The following HTR1F variants were observed in gnomAD, a reference collection of about 807,000 sequenced individuals.
HTR1F encodes 5-hydroxytryptamine (serotonin) receptor 1F, G protein-coupled.
Under a neutral mutation model 24.0 loss-of-function variants are expected in HTR1F, and 17 were observed. The observed-to-expected ratio is 0.71, with a 90% CI of 0.48 to 1.06. HTR1F has a LOEUF of 1.06. HTR1F is among the 50% of genes least tolerant of loss of function. The pLI, the probability that HTR1F is intolerant of heterozygous loss-of-function variation, is 0.00. For synonymous variants in HTR1F, 186 were observed against 156.8 expected, an observed-to-expected ratio of 1.19 and a Z score of -1.39; for missense variants, 391 against 427.8, an observed-to-expected ratio of 0.91 and a Z score of 0.76.
At chr3:87,987,835 T>C (rs1705707854) in intron 2 of HTR1F, among the ~76,000 whole-genome samples, 1 of 144,930 alleles carries the variant, frequency 6.9e-6, no homozygotes, top group African/African-American at 2.5e-5. Flanking sequence ...ATATAAAATA[T>C]ATGTATTATA....
intron 2 of HTR1F, among the ~76,000 whole-genome samples, chr3:87,922,258 T>C (rs1704026436): frequency 6.6e-6 from 1 of 152,042 alleles, no homozygotes; most frequent in East Asian, 1.9e-4. Context: ...GGTTTTCATT[T>C]GCATTTTCCT....
chr3:87,968,968 G>A (rs1395570886), intron 2 of HTR1F, among the ~76,000 whole-genome samples: 1 of 152,222 alleles, frequency 6.6e-6, no homozygotes, highest in Non-Finnish European at 1.5e-5. Flanking sequence ...TTGGGCCATG[G>A]ATTCAGATGG....
chr3:87,872,641 A>T (rs1245494565), intron 2 of HTR1F, among the ~76,000 whole-genome samples: 1 of 152,104 alleles, frequency 6.6e-6, no homozygotes, highest in East Asian at 1.9e-4. Context: ...AATAAAAAAG[A>T]TCATAAGAGA....
Position 87,846,598 on chromosome 3 carries a change from T to TTTTG in HTR1F, c.-43+24494_-43+24497dup, listed in dbSNP as rs562592512. ...AGCAACATAGTCAGCATTTCAATTTTTTTGTTTGTTTGTTTGTTTGTTTTG... is the reference window on the plus strand; with the variant it reads ...AGCAACATAGTCAGCATTTCAATTTTTTTGTTTGTTTGTTTGTTTGTTTGTTTTG... On this transcript the variant is annotated intron_variant, in intron 2 of 2. Transcript: ENST00000319595. 4.1e-4 allele frequency among the ~76,000 whole-genome samples: 62 copies of TTTTG among 152,072 alleles called. 1 individual carries two copies. In the East Asian group the frequency reaches 9.1e-3, roughly 22 times the overall value.
chr3:87,819,262 G>A (rs1704308479), intron 1 of HTR1F, among the ~76,000 whole-genome samples: 1 of 151,824 alleles, frequency 6.6e-6, no homozygotes, highest in Non-Finnish European at 1.5e-5. Flanking sequence ...TTTCATGGTT[G>A]TTTTCATTTC....
chr3:87,959,590 C>A (rs573162194), intron 2 of HTR1F, among the ~76,000 whole-genome samples: 1 of 151,754 alleles, frequency 6.6e-6, no homozygotes, highest in African/African-American at 2.4e-5. Context: ...TACTTAAATT[C>A]GCTTTGTTAA....
intron 2 of HTR1F, among the ~76,000 whole-genome samples, chr3:87,979,421 T>C (rs1184693161): frequency 6.6e-6 from 1 of 152,120 alleles, no homozygotes; most frequent in East Asian, 1.9e-4. Context: ...GCAGCCACGA[T>C]AGTCATTTCT....
intron 2 of HTR1F, among the ~76,000 whole-genome samples, chr3:87,823,539 C>T (rs2932296): frequency 0.43 from 62,852 of 147,520 alleles, 16,088 homozygotes; most frequent in African/African-American, 0.73. Context: ...TTTTGAGACA[C>T]GGTCTCATGC....
At chr3:87,951,648 T>C (rs1704836035) in intron 2 of HTR1F, among the ~76,000 whole-genome samples, 1 of 152,114 alleles carries the variant, frequency 6.6e-6, no homozygotes, top group Non-Finnish European at 1.5e-5. Flanking sequence ...TGAACCTACA[T>C]TGACACATCA....
At chr3:87,951,765 A>C (rs1398556059) in intron 2 of HTR1F, among the ~76,000 whole-genome samples, 1 of 152,046 alleles carries the variant, frequency 6.6e-6, no homozygotes, top group African/African-American at 2.4e-5. Flanking sequence ...GGACATATAT[A>C]TCCATCATTT....
chr3:87,911,078 G>C (rs1703768598), intron 2 of HTR1F, among the ~76,000 whole-genome samples: 1 of 151,716 alleles, frequency 6.6e-6, no homozygotes, highest in South Asian at 2.1e-4. Context: ...AGAAGCAAAA[G>C]CAAACCAAAA....
chr3:87,879,605 A>G (rs1705745001), intron 2 of HTR1F, among the ~76,000 whole-genome samples: 1 of 152,196 alleles, frequency 6.6e-6, no homozygotes, highest in African/African-American at 2.4e-5. Context: ...GATATGTAGA[A>G]TTGTTCATTA....
chr3:87,839,291 A>C (rs1704749905), intron 2 of HTR1F, among the ~76,000 whole-genome samples: 1 of 152,092 alleles, frequency 6.6e-6, no homozygotes, highest in African/African-American at 2.4e-5. Context: ...CTGCATGTAG[A>C]TGTCCAGTTT....
At chr3:87,905,722 ATACTT>A (rs1412946377) in intron 2 of HTR1F, among the ~76,000 whole-genome samples, 3 of 135,998 alleles carry the variant, frequency 2.2e-5, no homozygotes, top group African/African-American at 6.3e-5. Context: ...CCTTCTCTAA[ATACTT>A]TATTTAGCAA....
chr3:87,807,527 A>G (rs1229686058), intron 1 of HTR1F, among the ~76,000 whole-genome samples: 3 of 151,816 alleles, frequency 2.0e-5, no homozygotes, highest in Non-Finnish European at 4.4e-5. Flanking sequence ...TTTTGGTTGA[A>G]TCTTTAGTTT....
At chr3:87,987,758 ATATATATGTATTT>A (rs1447865965) in intron 2 of HTR1F, among the ~76,000 whole-genome samples, 1,845 of 134,372 alleles carry the variant, frequency 0.014, 31 homozygotes, top group Non-Finnish European at 0.022. Context: ...TATATGTATT[ATATATATGTATTT>A]TATATATGTA....
intron 2 of HTR1F, among the ~76,000 whole-genome samples, chr3:87,984,089 A>G (rs1045730686): frequency 2.0e-5 from 3 of 152,184 alleles, no homozygotes; most frequent in African/African-American, 7.2e-5. Context: ...CTCTAGCCCT[A>G]AAGTGCCTTT....
intron 2 of HTR1F, among the ~76,000 whole-genome samples, chr3:87,937,922 T>A (rs1327982585): frequency 8.9e-6 from 1 of 112,646 alleles, no homozygotes. Flanking sequence ...AGACTCCATC[T>A]CAAAAGAAAA....
At chr3:87,949,269 T>C (rs1488105910) in intron 2 of HTR1F, among the ~76,000 whole-genome samples, 5 of 152,362 alleles carry the variant, frequency 3.3e-5, no homozygotes, top group Admixed American at 3.3e-4. Flanking sequence ...TTTTAACTAC[T>C]TAGGCATTTA....
Sources: gnomAD v4.1 joint callset for allele counts (sites outside exome capture counted in the v4.1 genomes callset) on GRCh38, gnomAD v4.1.1 for gene constraint, MANE v1.5 for transcripts, NCBI Gene and HGNC (gene_info 2026-07-23, HGNC 2026-07-21) for gene names.